Variants in DLGAP1 observed in about 807,000 individuals in gnomAD.
The protein encoded by DLGAP1 is DLG associated protein 1, also known as disks large-associated protein 1.
In DLGAP1, 11 loss-of-function variants were observed where a neutral mutation model predicts 90.8. That is an observed-to-expected ratio of 0.12 (90% CI 0.08 to 0.20). The LOEUF (loss-of-function observed/expected upper bound fraction) is 0.20, where lower values mean the gene tolerates loss of function less well. Ranked by LOEUF, DLGAP1 falls within the 10% of genes least tolerant of loss-of-function variation. The pLI is 1.00. For missense variants in DLGAP1, 1,050 were observed against 1,333.8 expected (o/e 0.79, Z 3.31); for synonymous variants, 558 against 540.7 (o/e 1.03, Z -0.44).
intron 1 of DLGAP1, chr18:4,264,542 G>C (rs476204): frequency 0.98 from 150,059 of 152,536 alleles, 73,825 homozygotes; most frequent in East Asian, 1. Flanking sequence ...CTCACCCTTG[G>C]TTCCCACTCT....
intron 11 of DLGAP1, among the ~76,000 whole-genome samples, chr18:3,504,349 G>A (rs2050101625): frequency 6.6e-6 from 1 of 151,972 alleles, no homozygotes; most frequent in Admixed American, 6.6e-5. Flanking sequence ...AGAATTATTA[G>A]GCACTTTGGG....
intron 1 of DLGAP1, among the ~76,000 whole-genome samples, chr18:4,337,384 G>A (rs568878745): frequency 1.3e-5 from 2 of 151,950 alleles, no homozygotes; most frequent in African/African-American, 2.4e-5. Context: ...TTGTAGCGAC[G>A]GGGTCGCCAT....
chr18:3,681,383 G>T (rs1404116912), intron 7 of DLGAP1, among the ~76,000 whole-genome samples: 1 of 152,198 alleles, frequency 6.6e-6, no homozygotes, highest in East Asian at 1.9e-4. Flanking sequence ...TTCATTGTGT[G>T]ATGCTAATAA....
Position 3,581,929 on chromosome 18 carries a change from C to G in DLGAP1, c.1911G>C (p.Glu637Asp). 1.2e-6 allele frequency: 2 copies of G among 1,614,218 alleles called. No individual in the cohort carries two copies. Among genetic ancestry groups the G allele is most frequent in the South Asian group, 2.2e-5 (2 of 91,084 alleles). Residue 637 changes from glutamate to aspartate, a missense_variant, in exon 8 of 13, where the codon GAG (glutamate) becomes GAC (aspartate). By Grantham distance (45) the Glu-to-Asp change is conservative. Transcript: ENST00000315677. The stretch of plus-strand genomic sequence containing the variant: ...TCTTAAAGTGGTCCTTCTTCCTGTC[C>G]TCCGTGGTGACGGTGGCTATGGTAG... ...TTTTIATVTT[E>D]DRKKDHFKKN...
chr18:4,096,298 T>C (rs1401893557), intron 2 of DLGAP1, among the ~76,000 whole-genome samples: 2 of 152,144 alleles, frequency 1.3e-5, no homozygotes, highest in Non-Finnish European at 2.9e-5. Flanking sequence ...GTGCTGGGAT[T>C]ACAGGCGTGA....
At chr18:4,227,062 C>G (rs2078207049) in intron 1 of DLGAP1, among the ~76,000 whole-genome samples, 1 of 151,766 alleles carries the variant, frequency 6.6e-6, no homozygotes, top group Non-Finnish European at 1.5e-5. Flanking sequence ...GGTAGCTATA[C>G]TTACATCATA....
At chr18:3,669,682 T>A (rs970995979) in intron 7 of DLGAP1, among the ~76,000 whole-genome samples, 9 of 152,286 alleles carry the variant, frequency 5.9e-5, no homozygotes, top group African/African-American at 1.7e-4. Context: ...GGGAAGGCCA[T>A]CTTCCTTCTG....
At chr18:3,651,464 C>T (rs961029163) in intron 7 of DLGAP1, among the ~76,000 whole-genome samples, 2 of 152,166 alleles carry the variant, frequency 1.3e-5, no homozygotes, top group Admixed American at 6.5e-5. Context: ...CCACAGTCTA[C>T]CTTGACACGC....
chr18:3,532,131 A>C (rs999397773), intron 10 of DLGAP1, among the ~76,000 whole-genome samples: 2 of 151,984 alleles, frequency 1.3e-5, no homozygotes. Context: ...CTGGGATTAC[A>C]GGTATGAGCC....
chr18:3,987,439 TA>T (rs2073865924), intron 3 of DLGAP1, among the ~76,000 whole-genome samples: 1 of 152,222 alleles, frequency 6.6e-6, no homozygotes, highest in Non-Finnish European at 1.5e-5. Context: ...AATTCAATTA[TA>T]ACTGTGATTA....
At chr18:4,339,708 A>C (rs1011284104) in intron 1 of DLGAP1, among the ~76,000 whole-genome samples, 1 of 152,186 alleles carries the variant, frequency 6.6e-6, no homozygotes, top group African/African-American at 2.4e-5. Context: ...GGAACTCTGA[A>C]TCTTCCAGAC....
Position 3,550,733 on chromosome 18 carries a change from C to T in DLGAP1, c.2058-16118G>A, listed in dbSNP as rs1003679487. ...CTGACATCTTGATCCAGAACCAGAC[C>T]CTTTTTTTTTTTTTTTTTTTTTTTG... On this transcript the variant is annotated intron_variant, in intron 9 of 12. Transcript: ENST00000315677. 1.4e-4 allele frequency among the ~76,000 whole-genome samples: 18 copies of T among 124,240 alleles called. 1 individual carries two copies. The East Asian group carries it at 4.2e-3, about 29-fold the overall frequency. 81.5% of individuals were successfully genotyped at this position (124,240 alleles called of 152,430 possible). A position where few individuals can be genotyped will look rare whatever the true frequency, so the allele number is the denominator to read the frequency against.
chr18:3,509,066 G>A (rs2050391668), intron 10 of DLGAP1, among the ~76,000 whole-genome samples: 1 of 151,556 alleles, frequency 6.6e-6, no homozygotes, highest in African/African-American at 2.4e-5. Flanking sequence ...GGAGTCAGCC[G>A]TCATGGTCGG....
At chr18:3,563,564 A>G (rs760111918) in intron 9 of DLGAP1, among the ~76,000 whole-genome samples, 9 of 151,734 alleles carry the variant, frequency 5.9e-5, no homozygotes, top group Non-Finnish European at 1.2e-4. Context: ...CCGCCTCCCA[A>G]GTTCAAGCAA....
At chr18:4,340,568 A>C (rs905648435) in intron 1 of DLGAP1, among the ~76,000 whole-genome samples, 2 of 151,984 alleles carry the variant, frequency 1.3e-5, no homozygotes, top group African/African-American at 2.4e-5. Context: ...TTCCACAAAC[A>C]CTATCTCATT....
intron 3 of DLGAP1, among the ~76,000 whole-genome samples, chr18:3,892,903 A>AATATAT (rs200027950): frequency 6.8e-6 from 1 of 147,568 alleles, no homozygotes; most frequent in African/African-American, 2.5e-5. Context: ...AATATATATA[A>AATATAT]ATATATATAT....
At chr18:4,001,775 G>A (rs1409321039) in intron 3 of DLGAP1, among the ~76,000 whole-genome samples, 12 of 152,000 alleles carry the variant, frequency 7.9e-5, no homozygotes, top group Non-Finnish European at 1.8e-4. Flanking sequence ...GTCCCTTTAG[G>A]GTCCATGGGG....
chr18:4,265,663 C>CCCTTCCTTCCTTCCTT (rs551164051), intron 1 of DLGAP1, among the ~76,000 whole-genome samples: 2 of 54,288 alleles, frequency 3.7e-5, no homozygotes, highest in African/African-American at 3.5e-4. Flanking sequence ...CTCCCTCCCT[C>CCCTTCCTTCCTTCCTT]CCTTCCTTCC....
At position 3,924,955 on chromosome 18, in the gene DLGAP1, G is replaced by A. The variant is rs536517303; in HGVS notation, c.-72-44815C>T. ...CATTACTTTATAAAAGTCAGTTTTT[G>A]TTGCATTTTTTTTTGGAGACAGAGT... is the stretch of plus-strand genomic sequence containing the variant. On this transcript the variant is annotated intron_variant, in intron 3 of 12. Coordinates refer to ENST00000315677, the MANE Select transcript of DLGAP1 (RefSeq NM_004746.4). Among the ~76,000 whole-genome samples the A allele has an allele frequency of 3.9e-5, 6 of 152,118 alleles. No individual in the cohort carries two copies. The South Asian group carries it at 1.2e-3, about 32-fold the overall frequency.
Sources: allele counts gnomAD v4.1 joint callset (sites outside exome capture counted in the v4.1 genomes callset), GRCh38; gene constraint gnomAD v4.1.1; transcripts MANE v1.5; gene names NCBI Gene and HGNC (gene_info 2026-07-23, HGNC 2026-07-21).